Variants in PDCD1LG2 observed in about 807,000 individuals in gnomAD.
The protein encoded by PDCD1LG2 is B7 dendritic cell molecule.
PDCD1LG2 carries 32 observed loss-of-function variants against 28.2 expected under a neutral mutation model. The observed-to-expected ratio is 1.13, with a 90% CI of 0.86 to 1.52. PDCD1LG2 has a LOEUF of 1.52. Among genes scored for constraint, PDCD1LG2 ranks in the 40% most tolerant of loss-of-function variants. PDCD1LG2 has a pLI of 0.00. For missense variants in PDCD1LG2, 385 were observed against 323.8 expected, an observed-to-expected ratio of 1.19 and a Z score of -1.45; for synonymous variants, 116 against 120.2, an observed-to-expected ratio of 0.97 and a Z score of 0.23.
At chr9:5,555,603 G>T (rs1207403600) in intron 4 of PDCD1LG2, among the ~76,000 whole-genome samples, 1 of 152,182 alleles carries the variant, frequency 6.6e-6, no homozygotes, top group Non-Finnish European at 1.5e-5. Context: ...GTTCAGAGCA[G>T]CTAAGCAGCT....
intron 1 of PDCD1LG2, among the ~76,000 whole-genome samples, chr9:5,514,942 A>G (rs1820128815): frequency 1.3e-5 from 2 of 152,194 alleles, no homozygotes; most frequent in Non-Finnish European, 2.9e-5. Context: ...GTCTTAAAAA[A>G]TGGGTAGACT....
rs1432182009 is a variant in PDCD1LG2 at position 5,570,108 on chromosome 9, C to G, written c.*149C>G. On this transcript the variant is annotated 3_prime_UTR_variant, in exon 7 of 7. Coordinates refer to ENST00000397747, the MANE Select transcript of PDCD1LG2 (RefSeq NM_025239.4). ...CAGCACTTTAATCTGAAACCTGCAACAAGACTAGCCAACACCTGGCCATGA... is the reference window on the plus strand; with the variant it reads ...CAGCACTTTAATCTGAAACCTGCAAGAAGACTAGCCAACACCTGGCCATGA... The G allele has an allele frequency of 2.1e-6, 2 of 956,046 alleles. No homozygotes were observed. Among genetic ancestry groups the G allele is most frequent in the East Asian group, 4.8e-5 (2 of 41,522 alleles). The allele number at this position is 956,046 out of a possible 1,614,324, so 59.2% of individuals were successfully genotyped here. A position where few individuals can be genotyped will look rare whatever the true frequency, so the allele number is the denominator to read the frequency against.
At chr9:5,549,145 T>C (rs1274643076) in intron 3 of PDCD1LG2, among the ~76,000 whole-genome samples, 190 bp from the exon 4 acceptor site, 1 of 152,212 alleles carries the variant, frequency 6.6e-6, no homozygotes. Context: ...TATTGCATTG[T>C]AAGAATTAAA....
At chr9:5,514,486 G>T (rs909709303) in intron 1 of PDCD1LG2, among the ~76,000 whole-genome samples, 6 of 151,970 alleles carry the variant, frequency 3.9e-5, no homozygotes, top group Non-Finnish European at 8.8e-5. Flanking sequence ...TTCTGTTTAC[G>T]AACTTATCCT....
intron 6 of PDCD1LG2, among the ~76,000 whole-genome samples, chr9:5,567,536 T>C (rs1816689844): frequency 6.6e-6 from 1 of 152,250 alleles, no homozygotes; most frequent in South Asian, 2.1e-4. Flanking sequence ...ACAAAATAGT[T>C]ATTACAGTCA....
intron 1 of PDCD1LG2, among the ~76,000 whole-genome samples, chr9:5,514,770 A>G (rs1820123292): frequency 1.4e-5 from 2 of 140,218 alleles, no homozygotes; most frequent in African/African-American, 2.7e-5. Flanking sequence ...CTAGTCTCTA[A>G]AGAAAAAAAA....
At chr9:5,534,407 C>T (rs1407735607) in intron 2 of PDCD1LG2, among the ~76,000 whole-genome samples, 2 of 152,126 alleles carry the variant, frequency 1.3e-5, no homozygotes, top group Non-Finnish European at 2.9e-5. Flanking sequence ...GACTGCAGGG[C>T]TTGGGGGGTC....
chr9:5,562,230 A>T (rs1408852323), intron 5 of PDCD1LG2, among the ~76,000 whole-genome samples: 2 of 152,222 alleles, frequency 1.3e-5, no homozygotes, highest in Non-Finnish European at 2.9e-5. Flanking sequence ...AAGATATGAA[A>T]CCAACCTAAG....
At chr9:5,519,212 C>T (rs1820227710) in intron 1 of PDCD1LG2, among the ~76,000 whole-genome samples, 1 of 152,138 alleles carries the variant, frequency 6.6e-6, no homozygotes, top group South Asian at 2.1e-4. Context: ...GGGGCTGTCC[C>T]TAGTCTTCTG....
At chr9:5,560,521 T>C (rs967548022) in intron 5 of PDCD1LG2, among the ~76,000 whole-genome samples, 1 of 152,160 alleles carries the variant, frequency 6.6e-6, no homozygotes, top group Non-Finnish European at 1.5e-5. Context: ...CAACACATGC[T>C]CTGTCATTGG....
chr9:5,548,702 T>C (rs1248078506), intron 3 of PDCD1LG2, among the ~76,000 whole-genome samples: 1 of 152,222 alleles, frequency 6.6e-6, no homozygotes, highest in Non-Finnish European at 1.5e-5. Flanking sequence ...TTTGTGTGTA[T>C]GTATCTGCAT....
chr9:5,541,320 C>G (rs565287249), intron 3 of PDCD1LG2, among the ~76,000 whole-genome samples: 5 of 152,226 alleles, frequency 3.3e-5, no homozygotes, highest in African/African-American at 1.2e-4. Flanking sequence ...GACACTTTCA[C>G]CACTTTTATT....
chr9:5,547,628 T>C (rs984885331), intron 3 of PDCD1LG2, among the ~76,000 whole-genome samples: 2 of 152,204 alleles, frequency 1.3e-5, no homozygotes, highest in Non-Finnish European at 2.9e-5. Context: ...TTTTGATCTA[T>C]GTATAGATTA....
At chr9:5,513,565 A>C (rs1264097688) in intron 1 of PDCD1LG2, among the ~76,000 whole-genome samples, 1 of 152,200 alleles carries the variant, frequency 6.6e-6, no homozygotes, top group Non-Finnish European at 1.5e-5. Context: ...CAACTTTCTA[A>C]TATAAAGGCT....
At position 5,556,272 on chromosome 9, in the gene PDCD1LG2, A is replaced by G. The variant is rs113818863; in HGVS notation, c.632-1346A>G. Reference sequence around the variant, plus strand: ...CTGTTGTGGGGACAGTGAGAGGCCCAGGTCTCCTTGACTCACAAAGTGCTT... The same window carrying G: ...CTGTTGTGGGGACAGTGAGAGGCCCGGGTCTCCTTGACTCACAAAGTGCTT... On this transcript the variant is annotated intron_variant, in intron 4 of 6. Transcript: ENST00000397747. Among the ~76,000 whole-genome samples, 502 of 152,340 alleles carry G rather than the reference A, an allele frequency of 3.3e-3. 5 individuals carry two copies. Among genetic ancestry groups the G allele is most frequent in the African/African-American group, 0.011 (458 of 41,576 alleles).
At chr9:5,540,959 C>G (rs556878419) in intron 3 of PDCD1LG2, among the ~76,000 whole-genome samples, 88 of 152,234 alleles carry the variant, frequency 5.8e-4, no homozygotes, top group African/African-American at 2.1e-3. Flanking sequence ...ATGTAAAAAT[C>G]CTCAACAAAA....
intron 3 of PDCD1LG2, among the ~76,000 whole-genome samples, chr9:5,535,508 T>C (rs1190065820): frequency 1.3e-5 from 2 of 152,164 alleles, no homozygotes. Flanking sequence ...TTCCCGCCCT[T>C]TAAAAAATAA....
intron 4 of PDCD1LG2, among the ~76,000 whole-genome samples, chr9:5,554,325 A>G (rs115187135): frequency 2.0e-4 from 31 of 152,354 alleles, no homozygotes; most frequent in African/African-American, 6.7e-4. Context: ...AGGTCAGAGC[A>G]GCCAAATGAT....
At position 5,549,569 on chromosome 9, in the gene PDCD1LG2, T is replaced by C; in HGVS notation, c.596T>C (p.Val199Ala). ...AGCTGTGTGTTCTGGAATACTCACGTGAGGGAACTTACTTTGGCCAGCATT... is the reference window on the plus strand; with the variant it reads ...AGCTGTGTGTTCTGGAATACTCACGCGAGGGAACTTACTTTGGCCAGCATT... ...NFSCVFWNTH[V>A]RELTLASIDL... The change falls in exon 4 of 7, where the codon GTG becomes GCG. Residue 199 changes from valine (V) to alanine (A), a missense_variant. Transcript: ENST00000397747. 1.2e-6 allele frequency: 2 copies of C among 1,614,114 alleles called. No homozygotes were observed. Among genetic ancestry groups the C allele is most frequent in the Non-Finnish European group, 1.7e-6 (2 of 1,180,006 alleles).
Sources: gnomAD v4.1 joint callset for allele counts (sites outside exome capture counted in the v4.1 genomes callset) on GRCh38, gnomAD v4.1.1 for gene constraint, MANE v1.5 for transcripts, NCBI Gene and HGNC (gene_info 2026-07-23, HGNC 2026-07-21) for gene names.